COL24A1: variants seen among roughly 807,000 people sequenced by gnomAD.
The protein encoded by COL24A1 is collagen alpha-1(XXIV) chain.
COL24A1 carries 224 observed loss-of-function variants against 253.9 expected under a neutral mutation model. That is an observed-to-expected ratio of 0.88 (90% CI 0.79 to 0.99). The LOEUF is 0.99. Ranked by LOEUF, COL24A1 falls within the 50% of genes least tolerant of loss-of-function variation. COL24A1 has a pLI of 0.00. For synonymous variants in COL24A1, 685 were observed against 673.7 expected, an observed-to-expected ratio of 1.02 and a Z score of -0.26; for missense variants, 2,131 against 2,068.5, an observed-to-expected ratio of 1.03 and a Z score of -0.59.
intron 39 of COL24A1, among the ~76,000 whole-genome samples, chr1:85,846,854 C>T (rs1677190915): frequency 2.6e-5 from 4 of 151,742 alleles, no homozygotes; most frequent in Non-Finnish European, 5.9e-5. Flanking sequence ...GGCCTAGATC[C>T]CAGTAAGGAA....
chr1:85,973,867 A>G (rs1482863131), intron 20 of COL24A1, among the ~76,000 whole-genome samples: 2 of 152,180 alleles, frequency 1.3e-5, no homozygotes, highest in Non-Finnish European at 2.9e-5. Context: ...ATCTAGTTAT[A>G]TGCCATTTAT....
chr1:85,789,624 G>A (rs1371790880), intron 47 of COL24A1, among the ~76,000 whole-genome samples: 1 of 152,118 alleles, frequency 6.6e-6, no homozygotes, highest in Non-Finnish European at 1.5e-5. Context: ...TCCTTGCCTT[G>A]TGCCAGTTTT....
At chr1:86,104,820 T>C (rs995332758) in intron 5 of COL24A1, among the ~76,000 whole-genome samples, 2 of 152,198 alleles carry the variant, frequency 1.3e-5, no homozygotes, top group African/African-American at 4.8e-5. Flanking sequence ...AAGTGTTTCA[T>C]AGGGTGGTAG....
At chr1:85,824,901 CTTT>C (rs869157846) in intron 43 of COL24A1, among the ~76,000 whole-genome samples, 5 of 100,446 alleles carry the variant, frequency 5.0e-5, no homozygotes, top group African/African-American at 2.1e-4. Context: ...AATATTTATT[CTTT>C]TATTATTATT....
rs187251637 is a variant in COL24A1 at position 86,083,058 on chromosome 1, G to A, written c.1707+6116C>T. On this transcript the variant is annotated intron_variant, in intron 7 of 59. Transcript: ENST00000370571. ...CACGCCTGTAATCCCAGCACTTTGGGAGGCCGAGGCGGGCGAATCATGAGG... is the reference window on the plus strand; with the variant it reads ...CACGCCTGTAATCCCAGCACTTTGGAAGGCCGAGGCGGGCGAATCATGAGG... 7.5e-3 allele frequency among the ~76,000 whole-genome samples: 1,139 copies of A among 152,166 alleles called. 16 individuals are homozygous for A. The highest frequency in any genetic ancestry group is 0.026 in the African/African-American group (1,083 of 41,524).
At chr1:85,987,457 C>A in intron 20 of COL24A1, 144 bp downstream of exon 20, 1 of 734,690 alleles carries the variant, frequency 1.4e-6, no homozygotes, top group Non-Finnish European at 2.2e-6. Context: ...CTATCTGAAA[C>A]CTAAAGTTTA....
intron 28 of COL24A1, among the ~76,000 whole-genome samples, chr1:85,897,311 C>T (rs1288745900): frequency 6.6e-6 from 1 of 151,888 alleles, no homozygotes; most frequent in Non-Finnish European, 1.5e-5. Flanking sequence ...GGCTTTATAA[C>T]TAAGTGATGG....
At chr1:86,079,429 C>T (rs963960732) in intron 7 of COL24A1, among the ~76,000 whole-genome samples, 1 of 152,112 alleles carries the variant, frequency 6.6e-6, no homozygotes, top group African/African-American at 2.4e-5. Flanking sequence ...CAAGCACAGC[C>T]AGCCAAAGCA....
intron 20 of COL24A1, among the ~76,000 whole-genome samples, chr1:85,983,441 C>T (rs1693434564): frequency 6.6e-6 from 1 of 151,924 alleles, no homozygotes; most frequent in Non-Finnish European, 1.5e-5. Context: ...TCCATTCCTA[C>T]TTTGAGGTTT....
chr1:85,770,619 A>G (rs1175473003), intron 53 of COL24A1, among the ~76,000 whole-genome samples: 1 of 151,988 alleles, frequency 6.6e-6, no homozygotes. Flanking sequence ...TAACCTTTTT[A>G]CTATCTATAT....
chr1:85,970,366 C>T, intron 21 of COL24A1, 95 bp from the exon 22 acceptor site: 1 of 1,184,640 alleles, frequency 8.4e-7, no homozygotes, highest in Non-Finnish European at 1.2e-6. Flanking sequence ...AAATGTGAAG[C>T]TCATTCTGAG....
intron 58 of COL24A1, 45 bp from the exon 59 acceptor site, chr1:85,735,009 G>A: frequency 6.3e-7 from 1 of 1,576,780 alleles, no homozygotes; most frequent in Non-Finnish European, 8.7e-7. Flanking sequence ...TGGCAATTGA[G>A]AAACTTAACA....
At chr1:85,826,835 TG>T (rs1321806587) in intron 43 of COL24A1, among the ~76,000 whole-genome samples, 5 of 152,212 alleles carry the variant, frequency 3.3e-5, no homozygotes, top group Admixed American at 2.0e-4. Flanking sequence ...GCTGAGACAA[TG>T]GAGTTTTCTA....
rs144362376 is a variant in COL24A1, at chr1:85,855,030, C to T, written c.3301-5624G>A. On this transcript the variant is annotated intron_variant, in intron 37 of 59. Transcript: ENST00000370571. ...GGCATTAAACTCTTGATTTGTTTCTCAGCTGGGATGTTATTGGTGTATAGA... is the reference window on the plus strand; with the variant it reads ...GGCATTAAACTCTTGATTTGTTTCTTAGCTGGGATGTTATTGGTGTATAGA... 5.1e-4 allele frequency among the ~76,000 whole-genome samples: 77 copies of T among 152,150 alleles called. 1 individual carries two copies. Among genetic ancestry groups the T allele is most frequent in the African/African-American group, 1.5e-3 (63 of 41,516 alleles).
At chr1:85,991,133 A>G (rs534029592) in intron 19 of COL24A1, among the ~76,000 whole-genome samples, 3 of 152,208 alleles carry the variant, frequency 2.0e-5, no homozygotes, top group African/African-American at 4.8e-5. Context: ...TTGTCTTGCC[A>G]AAAACAAACC....
intron 57 of COL24A1, among the ~76,000 whole-genome samples, chr1:85,739,650 A>G (rs1664400124): frequency 6.6e-6 from 1 of 152,076 alleles, no homozygotes; most frequent in Admixed American, 6.5e-5. Flanking sequence ...TTCTATGACA[A>G]TTTTAGCTTT....
chr1:85,984,191 G>T (rs1693505220), intron 20 of COL24A1, among the ~76,000 whole-genome samples: 1 of 151,796 alleles, frequency 6.6e-6, no homozygotes, highest in African/African-American at 2.4e-5. Flanking sequence ...TAAACTTCAA[G>T]AGAAACAAAA....
intron 24 of COL24A1, among the ~76,000 whole-genome samples, chr1:85,934,194 CCTTT>C (rs2103116344): frequency 6.6e-6 from 1 of 152,258 alleles, no homozygotes; most frequent in South Asian, 2.1e-4. Flanking sequence ...AGCTGCAGTG[CCTTT>C]ATGATCTAGC....
At chr1:86,114,843 G>A (rs1253959725) in intron 4 of COL24A1, among the ~76,000 whole-genome samples, 1 of 152,088 alleles carries the variant, frequency 6.6e-6, no homozygotes, top group Non-Finnish European at 1.5e-5. Flanking sequence ...ATAGCAATAA[G>A]TCTTTTGTTG....
Sources: gnomAD v4.1 joint callset for allele counts (sites outside exome capture counted in the v4.1 genomes callset) on GRCh38, gnomAD v4.1.1 for gene constraint, MANE v1.5 for transcripts, NCBI Gene and HGNC (gene_info 2026-07-23, HGNC 2026-07-21) for gene names.